The following CERS5 variants were observed in gnomAD, a reference collection of about 807,000 sequenced individuals.
The protein encoded by CERS5 is ceramide synthase 5.
A neutral mutation model predicts 58.9 loss-of-function variants in CERS5; 37 were observed. That is an observed-to-expected ratio of 0.63 (90% CI 0.48 to 0.83). The LOEUF is 0.83. Ranked by LOEUF, CERS5 falls within the 40% of genes least tolerant of loss-of-function variation. The pLI is 0.00. For missense variants in CERS5, 398 were observed against 489.3 expected (o/e 0.81, Z 1.76); for synonymous variants, 147 against 177.8 (o/e 0.83, Z 1.38).
In CERS5 at chr12:50,142,120, C is replaced by G. The variant is rs758219000; in HGVS notation, c.435-10G>C. 5.7e-6 allele frequency: 9 copies of G among 1,586,578 alleles called. No individual in the cohort carries two copies. The Admixed American group carries it at 1.5e-4, about 27-fold the overall frequency. On this transcript the variant is annotated splice_polypyrimidine_tract_variant and intron_variant, in intron 3 of 9. Transcript: ENST00000317551. Reference sequence around the variant, plus strand: ...AAATGTGAATCTCCACCTGGGTGGGCAAAGAGTAAAGGTTAGACAAATGTC... The same window carrying G: ...AAATGTGAATCTCCACCTGGGTGGGGAAAGAGTAAAGGTTAGACAAATGTC...
intron 9 of CERS5, chr12:50,132,829 A>G: frequency 8.9e-7 from 1 of 1,118,662 alleles, no homozygotes; most frequent in Non-Finnish European, 1.1e-6. Context: ...CTAGTCAATA[A>G]TGGCCCCGAA....
intron 4 of CERS5, among the ~76,000 whole-genome samples, chr12:50,140,904 A>G (rs937229158): frequency 6.6e-6 from 1 of 151,794 alleles, no homozygotes; most frequent in Non-Finnish European, 1.5e-5. Context: ...AAATCTTCAA[A>G]TACAACTGTA....
chr12:50,133,526 A>G lies in CERS5; in HGVS notation c.1029+1020T>C, dbSNP rs1482520967. The stretch of plus-strand genomic sequence containing the variant: ...ACCTTGTGGTGGCTTGTGAACTACC[A>G]CACACCACTTCTAGGCAACTTAACA... On this transcript the variant is annotated intron_variant, in intron 9 of 9. Transcript: ENST00000317551. 3 of 988,272 alleles carry G rather than the reference A, an allele frequency of 3.0e-6. No individual in the cohort carries two copies. The African/African-American group carries it at 5.2e-5, about 17-fold the overall frequency. 61.2% of individuals were successfully genotyped at this position (988,272 alleles called of 1,614,324 possible). A position where few individuals can be genotyped will look rare whatever the true frequency, so the allele number is the denominator to read the frequency against.
chr12:50,154,229 T>G, intron 1 of CERS5: 1 of 344,568 alleles, frequency 2.9e-6, no homozygotes, highest in South Asian at 2.1e-5. Flanking sequence ...GGCACATGCC[T>G]GTAATCCTAG....
At chr12:50,143,327 GT>G in intron 2 of CERS5, 123 bp from the exon 3 acceptor site, 1 of 1,178,446 alleles carries the variant, frequency 8.5e-7, no homozygotes, top group Non-Finnish European at 1.2e-6. Context: ...ATCTTTCCAA[GT>G]TTTATCCCAA....
intron 3 of CERS5, among the ~76,000 whole-genome samples, chr12:50,142,785 A>G (rs1237349913): frequency 2.0e-5 from 3 of 152,348 alleles, no homozygotes; most frequent in South Asian, 2.1e-4. Context: ...TAAGGTATAC[A>G]TGTGTTAGTA....
chr12:50,152,840 C>T (rs190503114), intron 1 of CERS5, among the ~76,000 whole-genome samples: 18 of 152,178 alleles, frequency 1.2e-4, no homozygotes, highest in Admixed American at 9.2e-4. Context: ...GAGGCGGAGG[C>T]GGGCGGATCA....
chr12:50,133,478 A>G, intron 9 of CERS5: 1 of 992,748 alleles, frequency 1.0e-6, no homozygotes. Context: ...TATAAACCAT[A>G]TCTTGAATAT....
At chr12:50,151,533 C>T (rs1937956574) in intron 1 of CERS5, among the ~76,000 whole-genome samples, 1 of 152,210 alleles carries the variant, frequency 6.6e-6, no homozygotes, top group South Asian at 2.1e-4. Flanking sequence ...ACAAGTTCCT[C>T]TGTGCTTCAG....
chr12:50,162,471 A>G (rs1037697712), intron 1 of CERS5, among the ~76,000 whole-genome samples: 3 of 152,182 alleles, frequency 2.0e-5, no homozygotes, highest in Admixed American at 6.5e-5. Flanking sequence ...TGATTACTAC[A>G]TAAATCATTT....
At position 50,161,784 on chromosome 12, in the gene CERS5, G is replaced by GAAAAAAAAAAAAAAAAAAAAAAA. The variant is rs374177550; in HGVS notation, c.197+5316_197+5317insTTTTTTTTTTTTTTTTTTTTTTT. ...AGAGTGAGACTCCGTCTCAAAAAAA[G>GAAAAAAAAAAAAAAAAAAAAAAA]AAAAAAAAAAAAAAAAGCAAAGTTC... On this transcript the variant is annotated intron_variant, in intron 1 of 9. Transcript: ENST00000317551. Among the ~76,000 whole-genome samples, 28 of 90,858 alleles carry GAAAAAAAAAAAAAAAAAAAAAAA rather than the reference G, an allele frequency of 3.1e-4. 1 individual carries two copies. Among genetic ancestry groups the GAAAAAAAAAAAAAAAAAAAAAAA allele is most frequent in the Admixed American group, 5.0e-4 (3 of 5,968 alleles). 59.6% of individuals were successfully genotyped at this position (90,858 alleles called of 152,430 possible).
chr12:50,138,489 G>A (rs1271265068), intron 5 of CERS5, 78 bp downstream of exon 5: 4 of 1,152,090 alleles, frequency 3.5e-6, no homozygotes, highest in Non-Finnish European at 5.3e-6. Context: ...CATCTGTCCT[G>A]GGGACTGGCA....
chr12:50,154,811 T>A (rs918345870), intron 1 of CERS5, among the ~76,000 whole-genome samples: 1 of 152,142 alleles, frequency 6.6e-6, no homozygotes, highest in East Asian at 1.9e-4. Flanking sequence ...ATTACAAGTG[T>A]GAACCCCTGC....
At chr12:50,144,848 T>A in intron 1 of CERS5, 1 of 1,453,908 alleles carries the variant, frequency 6.9e-7, no homozygotes, top group Admixed American at 2.3e-5. Flanking sequence ...TTAAAAAGAA[T>A]AAAAAAGCCG....
chr12:50,160,469 C>T (rs1939160370), intron 1 of CERS5, among the ~76,000 whole-genome samples: 1 of 151,924 alleles, frequency 6.6e-6, no homozygotes, highest in African/African-American at 2.4e-5. Flanking sequence ...TTTAGACACC[C>T]CAGTGAGGTT....
At chr12:50,159,452 C>T (rs1939030760) in intron 1 of CERS5, among the ~76,000 whole-genome samples, 1 of 152,044 alleles carries the variant, frequency 6.6e-6, no homozygotes, top group Non-Finnish European at 1.5e-5. Context: ...CATCTAATAC[C>T]TTTGCATCAT....
At chr12:50,167,035 C>T in intron 1 of CERS5, 66 bp downstream of exon 1, 2 of 1,275,794 alleles carry the variant, frequency 1.6e-6, no homozygotes, top group Non-Finnish European at 2.1e-6. Flanking sequence ...GGCCCTCGGC[C>T]CTTCCCACAG....
In CERS5 at chr12:50,160,399, T is replaced by A. The variant is rs1939150429; in HGVS notation, c.197+6702A>T. On this transcript the variant is annotated intron_variant, in intron 1 of 9. Transcript: ENST00000317551. ...ATCACTACTCTTGTTGTCAGTTACA[T>A]GACAGGCCAGCGAATGAGTCTGTTC... is the stretch of plus-strand genomic sequence containing the variant. 2.0e-5 allele frequency among the ~76,000 whole-genome samples: 3 copies of A among 151,886 alleles called. 1 individual carries two copies.
intron 1 of CERS5, chr12:50,154,457 A>G (rs1233793390): frequency 1.3e-5 from 2 of 156,842 alleles, no homozygotes; most frequent in Non-Finnish European, 2.9e-5. Flanking sequence ...CTTTTCAATG[A>G]CAAAGCTGTG....
Sources: gnomAD v4.1 joint callset for allele counts (sites outside exome capture counted in the v4.1 genomes callset) on GRCh38, gnomAD v4.1.1 for gene constraint, MANE v1.5 for transcripts, NCBI Gene and HGNC (gene_info 2026-07-23, HGNC 2026-07-21) for gene names.